EYS: variants seen among roughly 807,000 people sequenced by gnomAD.
EYS encodes the protein protein eyes shut homolog.
EYS carries 250 observed loss-of-function variants against 282.1 expected under a neutral mutation model. That is an observed-to-expected ratio of 0.89 (90% CI 0.80 to 0.98). The LOEUF (loss-of-function observed/expected upper bound fraction) is 0.98, where lower values mean the gene tolerates loss of function less well. EYS is among the 50% of genes least tolerant of loss of function. EYS has a pLI of 0.00. For synonymous variants in EYS, 1,355 were observed against 1,282.9 expected (o/e 1.06, Z -1.20); for missense variants, 4,016 against 3,709.0 (o/e 1.08, Z -2.15).
At chr6:64,656,527 T>A (rs1365531345) in intron 22 of EYS, among the ~76,000 whole-genome samples, 2 of 152,136 alleles carry the variant, frequency 1.3e-5, no homozygotes, top group Non-Finnish European at 2.9e-5. Flanking sequence ...AAAACACACC[T>A]AAAGTTGAGT....
At chr6:65,442,590 A>G (rs1016851434) in intron 5 of EYS, among the ~76,000 whole-genome samples, 2 of 151,660 alleles carry the variant, frequency 1.3e-5, no homozygotes, top group Non-Finnish European at 2.9e-5. Flanking sequence ...CGTCTCTACT[A>G]AAACTATAAA....
intron 22 of EYS, among the ~76,000 whole-genome samples, chr6:64,642,953 T>C (rs1368339961): frequency 6.6e-6 from 1 of 152,182 alleles, no homozygotes; most frequent in Non-Finnish European, 1.5e-5. Context: ...CCGTCTCTAC[T>C]AGAAGTACAA....
At chr6:64,638,447 T>C (rs1218612528) in intron 22 of EYS, among the ~76,000 whole-genome samples, 1 of 92,242 alleles carries the variant, frequency 1.1e-5, no homozygotes, top group Non-Finnish European at 2.4e-5. Flanking sequence ...AATGTTGTAA[T>C]GATAATTATT....
chr6:64,403,160 C>A (rs1336342318), intron 28 of EYS, among the ~76,000 whole-genome samples: 1 of 151,574 alleles, frequency 6.6e-6, no homozygotes, highest in Non-Finnish European at 1.5e-5. Flanking sequence ...TAGTAATATT[C>A]CCTTGAGATA....
intron 31 of EYS, among the ~76,000 whole-genome samples, chr6:64,199,473 C>A (rs745592566): frequency 7.2e-5 from 11 of 152,088 alleles, no homozygotes; most frequent in Admixed American, 2.0e-4. Context: ...CCATAAAAAC[C>A]CTAGAAGGAA....
chr6:64,860,104 A>C (rs1469522625), intron 19 of EYS, among the ~76,000 whole-genome samples: 1 of 152,182 alleles, frequency 6.6e-6, no homozygotes, highest in Admixed American at 6.5e-5. Context: ...GGTGCATCTT[A>C]TATAACTCCA....
intron 29 of EYS, among the ~76,000 whole-genome samples, chr6:64,383,678 C>A (rs1474518491): frequency 6.6e-6 from 1 of 152,166 alleles, no homozygotes; most frequent in Admixed American, 6.5e-5. Context: ...AAGAGACTTA[C>A]ATTTGTTGTG....
chr6:64,034,823 G>A (rs1341034417), intron 33 of EYS, among the ~76,000 whole-genome samples: 1 of 152,026 alleles, frequency 6.6e-6, no homozygotes, highest in Non-Finnish European at 1.5e-5. Flanking sequence ...GCAACACGAG[G>A]CATTCTCTTA....
intron 30 of EYS, among the ~76,000 whole-genome samples, chr6:64,244,962 T>C (rs1350814208): frequency 1.3e-5 from 2 of 151,574 alleles, no homozygotes; most frequent in Non-Finnish European, 2.9e-5. Flanking sequence ...TATCTCCTAA[T>C]GCTATCCCTC....
intron 22 of EYS, 126 bp downstream of exon 22, chr6:64,813,252 A>C: frequency 3.5e-6 from 2 of 578,880 alleles, no homozygotes; most frequent in Non-Finnish European, 5.8e-6. Flanking sequence ...AGTTGTGCTT[A>C]TATATATATA....
intron 14 of EYS, among the ~76,000 whole-genome samples, chr6:64,950,798 CATATATATAT>C (rs1171736217): frequency 0.016 from 862 of 54,274 alleles, 53 homozygotes; most frequent in African/African-American, 0.06. Flanking sequence ...TATACATATA[CATATATATAT>C]ATATATATAT....
At chr6:65,226,604 A>G (rs941986428) in intron 12 of EYS, among the ~76,000 whole-genome samples, 2 of 152,188 alleles carry the variant, frequency 1.3e-5, no homozygotes, top group Admixed American at 6.5e-5. Flanking sequence ...AACAACAACC[A>G]TAAAAACCTG....
intron 5 of EYS, among the ~76,000 whole-genome samples, chr6:65,450,463 G>C (rs185093733): frequency 2.6e-3 from 397 of 152,220 alleles, no homozygotes; most frequent in African/African-American, 9.2e-3. Flanking sequence ...GGAATCAAGG[G>C]GGAAAGAAAG....
At chr6:64,436,053 T>A (rs942411532) in intron 28 of EYS, 121 bp downstream of exon 28, 1 of 447,746 alleles carries the variant, frequency 2.2e-6, no homozygotes, top group African/African-American at 2.0e-5. Context: ...CATTAATTCA[T>A]ACACATGCAC....
Position 63,750,050 on chromosome 6 carries a change from A to G in EYS, c.8071+12411T>C, listed in dbSNP as rs550263214. Among the ~76,000 whole-genome samples, 4 of 152,156 alleles carry G rather than the reference A, an allele frequency of 2.6e-5. No individual in the cohort carries two copies. The South Asian group carries it at 8.3e-4, about 32-fold the overall frequency. The stretch of plus-strand genomic sequence containing the variant: ...TCAAGTCTGCTGTTAAACCCCTATA[A>G]TGAATTGTTCAGTTCAGTTTTTGTA... On this transcript the variant is annotated intron_variant, in intron 41 of 42. Coordinates refer to ENST00000503581, the MANE Select transcript of EYS (RefSeq NM_001142800.2).
chr6:64,022,724 G>A (rs570212165), intron 33 of EYS, among the ~76,000 whole-genome samples: 2 of 152,300 alleles, frequency 1.3e-5, no homozygotes, highest in Middle Eastern at 3.4e-3. Flanking sequence ...GAAACAGGCT[G>A]CTGTGACTCT....
At chr6:63,982,982 G>A (rs1767172519) in intron 35 of EYS, among the ~76,000 whole-genome samples, 1 of 151,640 alleles carries the variant, frequency 6.6e-6, no homozygotes, top group Admixed American at 6.6e-5. Context: ...TCTTCTATGG[G>A]GTTTGAAAGT....
intron 12 of EYS, among the ~76,000 whole-genome samples, chr6:65,062,979 T>C (rs1000278939): frequency 6.6e-6 from 1 of 151,986 alleles, no homozygotes; most frequent in Non-Finnish European, 1.5e-5. Context: ...TTTCCATCCT[T>C]AGCTGTTGGA....
rs747345818 is a variant in EYS, at chr6:63,721,132, A to G, written c.8899T>C (p.Tyr2967His). Residue 2967 changes from tyrosine to histidine, a missense_variant, in exon 43 of 43, where the codon TAC becomes CAC. Coordinates refer to ENST00000503581, the MANE Select transcript of EYS (RefSeq NM_001142800.2). ...AKFMGNSYIKYIDPNYRMRNL... is the reference protein window; with the variant it reads ...AKFMGNSYIKHIDPNYRMRNL... ...CTCATTCTATAATTTGGATCAATGT[A>G]TTTAATGTAAGAATTACCCATAAAT... 14 of 1,551,386 alleles carry G rather than the reference A, an allele frequency of 9.0e-6. No homozygotes were observed. In the African/African-American group the frequency reaches 1.5e-4, roughly 17 times the overall value.
Sources: allele counts gnomAD v4.1 joint callset (sites outside exome capture counted in the v4.1 genomes callset), GRCh38; gene constraint gnomAD v4.1.1; transcripts MANE v1.5; gene names NCBI Gene and HGNC (gene_info 2026-07-23, HGNC 2026-07-21).